The following ICAM2 variants were observed in gnomAD, a reference collection of about 807,000 sequenced individuals.
The protein encoded by ICAM2 is intercellular adhesion molecule 2.
In ICAM2, 14 loss-of-function variants were observed where a neutral mutation model predicts 19.1. That is an observed-to-expected ratio of 0.73 (90% CI 0.48 to 1.15). The LOEUF (loss-of-function observed/expected upper bound fraction) is 1.15. Ranked by LOEUF, ICAM2 falls within the 50% of genes most tolerant of loss-of-function variation. The pLI, the probability that ICAM2 is intolerant of heterozygous loss-of-function variation, is 0.00. For synonymous variants in ICAM2, 153 were observed against 152.7 expected (o/e 1.00, Z -0.01); for missense variants, 311 against 355.4 (o/e 0.88, Z 1.00).
intron 1 of ICAM2, among the ~76,000 whole-genome samples, chr17:64,008,793 G>T (rs1302916152): frequency 1.3e-5 from 2 of 152,326 alleles, no homozygotes; most frequent in Non-Finnish European, 2.9e-5. Context: ...CTGTGGGAAG[G>T]TGGGGTGATC....
chr17:64,016,715 C>T (rs552057870), intron 1 of ICAM2, among the ~76,000 whole-genome samples: 1 of 152,310 alleles, frequency 6.6e-6, no homozygotes, highest in East Asian at 1.9e-4. Context: ...ATGGGCTTTT[C>T]CTTCCTTCCT....
intron 1 of ICAM2, among the ~76,000 whole-genome samples, chr17:64,014,950 C>T (rs1911664145): frequency 6.6e-6 from 1 of 151,956 alleles, no homozygotes; most frequent in East Asian, 1.9e-4. Flanking sequence ...CCCTTCCCTA[C>T]AAAACTCAAT....
At chr17:64,011,303 A>T (rs1437631944) in intron 1 of ICAM2, among the ~76,000 whole-genome samples, 1 of 152,080 alleles carries the variant, frequency 6.6e-6, no homozygotes, top group African/African-American at 2.4e-5. Flanking sequence ...TCTACTAAAA[A>T]CACAAAAAAG....
At chr17:64,014,408 A>G (rs12602193) in intron 1 of ICAM2, among the ~76,000 whole-genome samples, 13,650 of 22,812 alleles carry the variant, frequency 0.6, 4,694 homozygotes, top group Middle Eastern at 0.86. Context: ...AGGAAGGAAG[A>G]GAAAGAGAAA....
intron 3 of ICAM2, 122 bp downstream of exon 3, chr17:64,004,985 T>C (rs1911103997): frequency 8.6e-7 from 1 of 1,156,562 alleles, no homozygotes; most frequent in East Asian, 2.5e-5. Flanking sequence ...CCCCAGGAGC[T>C]CAGGGAGGCA....
intron 1 of ICAM2, among the ~76,000 whole-genome samples, chr17:64,018,313 G>A (rs1476916701): frequency 9.5e-6 from 1 of 105,180 alleles, no homozygotes; most frequent in Non-Finnish European, 1.7e-5. Context: ...CAGCCTGGGT[G>A]ACAGAGTGAG....
At chr17:64,003,009 C>T in intron 4 of ICAM2, 84 bp from the exon 5 acceptor site, 2 of 1,190,762 alleles carry the variant, frequency 1.7e-6, no homozygotes, top group Non-Finnish European at 2.4e-6. Flanking sequence ...CCACCCCCAA[C>T]CCAGACCCCC....
chr17:64,004,060 C>T (rs1160440792), intron 3 of ICAM2, 96 bp from the exon 4 acceptor site: 1 of 983,006 alleles, frequency 1.0e-6, no homozygotes, highest in African/African-American at 1.6e-5. Context: ...CATGGTGTTC[C>T]ACGGTTGGGG....
chr17:64,020,479 G>C (rs1911907259), intron 1 of ICAM2, 44 bp downstream of exon 1: 1 of 152,276 alleles, frequency 6.6e-6, no homozygotes, highest in Admixed American at 6.5e-5. Flanking sequence ...TCCTTCCCAT[G>C]CTGCCACGCT....
chr17:64,014,463 GA>G (rs1206795494), intron 1 of ICAM2, among the ~76,000 whole-genome samples: 2 of 146,618 alleles, frequency 1.4e-5, no homozygotes, highest in Non-Finnish European at 3.0e-5. Flanking sequence ...AGGAGAGAGA[GA>G]GGGGAAGGAA....
Position 64,002,775 on chromosome 17 carries a change from C to T in ICAM2, c.800G>A (p.Arg267Lys), listed in dbSNP as rs1160004113. 3.1e-6 allele frequency: 5 copies of T among 1,612,616 alleles called. No homozygotes were observed. Among genetic ancestry groups the T allele is most frequent in the African/African-American group, 1.3e-5 (1 of 74,944 alleles). The stretch of plus-strand genomic sequence containing the variant: ...TGGCCGGAAGGCCTGGGGCAGCCTC[C>T]TCCAAGCCGCTCGCACCCCGTAGGT... ...MGTYGVRAAWRRLPQAFRP is the reference protein window; with the variant it reads ...MGTYGVRAAWKRLPQAFRP Residue 267 changes from arginine to lysine, a missense_variant, in exon 5 of 5, where the codon AGG becomes AAG. Transcript: ENST00000579788.
intron 1 of ICAM2, among the ~76,000 whole-genome samples, chr17:64,008,780 G>A (rs1911324920): frequency 6.6e-6 from 1 of 152,182 alleles, no homozygotes; most frequent in Admixed American, 6.5e-5. Context: ...TCACTGTGAG[G>A]GACTGTGGGA....
rs1328290769 is a variant in ICAM2 at position 64,014,710 on chromosome 17, GAAGGAAGGAAGGAAGA to G, written c.-45+5797_-45+5812del. Among the ~76,000 whole-genome samples, 310 of 36,354 alleles carry G rather than the reference GAAGGAAGGAAGGAAGA, an allele frequency of 8.5e-3. 1 individual carries two copies. The highest frequency in any genetic ancestry group is 0.011 in the African/African-American group (108 of 10,178). The allele number at this position is 36,354 out of a possible 152,430, so 23.8% of individuals were successfully genotyped here. A position where few individuals can be genotyped will look rare whatever the true frequency, so the allele number is the denominator to read the frequency against. ...GGAAGGAAGGAAGGAAGGAAGGAAG[GAAGGAAGGAAGGAAGA>G]AAGAAAGAAAGAAAGAAAGAAAGAA... On this transcript the variant is annotated intron_variant, in intron 1 of 4. Coordinates refer to ENST00000579788, the MANE Select transcript of ICAM2 (RefSeq NM_001099789.2).
At chr17:64,011,292 C>G (rs1316653482) in intron 1 of ICAM2, among the ~76,000 whole-genome samples, 2 of 152,112 alleles carry the variant, frequency 1.3e-5, no homozygotes, top group Non-Finnish European at 2.9e-5. Context: ...GAAACCCTGT[C>G]TCTACTAAAA....
chr17:64,005,029 C>G, intron 3 of ICAM2, 78 bp downstream of exon 3: 1 of 1,536,812 alleles, frequency 6.5e-7, no homozygotes, highest in Non-Finnish European at 9.0e-7. Context: ...GGAGCAGGCA[C>G]AGAGGGGCTC....
chr17:64,017,387 A>C (rs1911757052), intron 1 of ICAM2, among the ~76,000 whole-genome samples: 1 of 152,224 alleles, frequency 6.6e-6, no homozygotes, highest in South Asian at 2.1e-4. Flanking sequence ...AAAACTAACA[A>C]AACCTAGAAC....
chr17:64,018,979 C>A (rs1567851262), intron 1 of ICAM2, among the ~76,000 whole-genome samples: 5 of 152,138 alleles, frequency 3.3e-5, no homozygotes, highest in Admixed American at 2.6e-4. Context: ...CTTGGCCTCC[C>A]AAAGTGCTGG....
intron 1 of ICAM2, among the ~76,000 whole-genome samples, chr17:64,011,114 T>C (rs1239631516): frequency 6.6e-6 from 1 of 151,872 alleles, no homozygotes; most frequent in Non-Finnish European, 1.5e-5. Context: ...AAGAGAAAGA[T>C]GAAAAAAATA....
chr17:64,007,133 A>G (rs897763229), intron 1 of ICAM2, among the ~76,000 whole-genome samples: 3 of 152,246 alleles, frequency 2.0e-5, no homozygotes, highest in African/African-American at 7.2e-5. Context: ...TGCAGTTACC[A>G]TAGCAAAAGG....
Sources: gnomAD v4.1 joint callset for allele counts (sites outside exome capture counted in the v4.1 genomes callset) on GRCh38, gnomAD v4.1.1 for gene constraint, MANE v1.5 for transcripts, NCBI Gene and HGNC (gene_info 2026-07-23, HGNC 2026-07-21) for gene names.